CAMKMT: variants seen among roughly 807,000 people sequenced by gnomAD.
The protein encoded by CAMKMT is CaM KMT.
In CAMKMT, 53 loss-of-function variants were observed where a neutral mutation model predicts 48.0. The observed-to-expected ratio is 1.10, with a 90% CI of 0.89 to 1.39. The LOEUF (loss-of-function observed/expected upper bound fraction) is 1.39, where lower values mean the gene tolerates loss of function less well. CAMKMT is among the 40% of genes most tolerant of loss of function. CAMKMT has a pLI of 0.00. For synonymous variants in CAMKMT, 165 were observed against 152.3 expected, an observed-to-expected ratio of 1.08 and a Z score of -0.61; for missense variants, 428 against 402.7, an observed-to-expected ratio of 1.06 and a Z score of -0.54.
At chr2:44,754,347 T>A (rs1477437970) in intron 9 of CAMKMT, among the ~76,000 whole-genome samples, 1 of 152,206 alleles carries the variant, frequency 6.6e-6, no homozygotes, top group Non-Finnish European at 1.5e-5. Flanking sequence ...GTGAAATAAA[T>A]GCAGCCGCTT....
intron 3 of CAMKMT, among the ~76,000 whole-genome samples, chr2:44,516,073 T>C (rs1205393119): frequency 6.6e-6 from 1 of 152,214 alleles, no homozygotes; most frequent in East Asian, 1.9e-4. Flanking sequence ...ACAAAATTAT[T>C]TCATTGCTTA....
chr2:44,594,441 A>G (rs568339459), intron 3 of CAMKMT, among the ~76,000 whole-genome samples: 95 of 152,354 alleles, frequency 6.2e-4, no homozygotes, highest in African/African-American at 2.1e-3. Context: ...CCAAAACAGC[A>G]TGGTACTGGT....
intron 10 of CAMKMT, among the ~76,000 whole-genome samples, chr2:44,771,050 T>C (rs1681085715): frequency 6.6e-6 from 1 of 152,150 alleles, no homozygotes; most frequent in Non-Finnish European, 1.5e-5. Flanking sequence ...GGGAATATGA[T>C]TTAGAAGGAA....
At chr2:44,658,246 C>T (rs1674480772) in intron 3 of CAMKMT, among the ~76,000 whole-genome samples, 1 of 152,208 alleles carries the variant, frequency 6.6e-6, no homozygotes, top group Admixed American at 6.5e-5. Context: ...TATTAAGATA[C>T]ACATTATTTA....
In CAMKMT at chr2:44,686,891, T is replaced by C. The variant is rs1257626264; in HGVS notation, c.377-17392T>C. ...GGCACCTAGCACTAAAATAAAATAATCCCTTAGCATGTTTACTAGCCAAAA... is the reference window on the plus strand; with the variant it reads ...GGCACCTAGCACTAAAATAAAATAACCCCTTAGCATGTTTACTAGCCAAAA... On this transcript the variant is annotated intron_variant, in intron 3 of 10. Transcript: ENST00000378494. Among the ~76,000 whole-genome samples, 4 of 152,188 alleles carry C rather than the reference T, an allele frequency of 2.6e-5. No homozygotes were observed. In the East Asian group the frequency reaches 7.7e-4, roughly 29 times the overall value.
chr2:44,561,760 C>A (rs1431716847), intron 3 of CAMKMT, among the ~76,000 whole-genome samples: 1 of 152,166 alleles, frequency 6.6e-6, no homozygotes, highest in Non-Finnish European at 1.5e-5. Context: ...ACCTTAAGAT[C>A]TGGTCACATT....
chr2:44,741,638 A>G (rs575658130), intron 7 of CAMKMT, among the ~76,000 whole-genome samples: 2 of 152,362 alleles, frequency 1.3e-5, no homozygotes, highest in African/African-American at 4.8e-5. Flanking sequence ...ACATGCATGT[A>G]GCACAGCCAT....
At chr2:44,607,441 T>A (rs1054027235) in intron 3 of CAMKMT, among the ~76,000 whole-genome samples, 3 of 152,256 alleles carry the variant, frequency 2.0e-5, no homozygotes, top group Non-Finnish European at 4.4e-5. Flanking sequence ...GAACACTAAA[T>A]TGCTCTTGCA....
intron 3 of CAMKMT, among the ~76,000 whole-genome samples, chr2:44,477,920 G>A (rs746926575): frequency 2.3e-4 from 35 of 152,134 alleles, no homozygotes; most frequent in Non-Finnish European, 4.6e-4. Flanking sequence ...ACAAAGGGAC[G>A]GATGGTACTT....
At chr2:44,599,750 C>G (rs1324639910) in intron 3 of CAMKMT, among the ~76,000 whole-genome samples, 7 of 150,634 alleles carry the variant, frequency 4.6e-5, no homozygotes, top group Non-Finnish European at 8.8e-5. Context: ...CATGTTTAGT[C>G]TAATAACCAA....
At chr2:44,567,748 A>G (rs1044020506) in intron 3 of CAMKMT, among the ~76,000 whole-genome samples, 1 of 152,204 alleles carries the variant, frequency 6.6e-6, no homozygotes, top group East Asian at 1.9e-4. Flanking sequence ...CTGCTAGCAC[A>G]ACTTTTGGCA....
chr2:44,590,941 G>A (rs1437436048), intron 3 of CAMKMT, among the ~76,000 whole-genome samples: 2 of 151,938 alleles, frequency 1.3e-5, no homozygotes, highest in Middle Eastern at 3.4e-3. Context: ...TAAGGTGTAA[G>A]GAAGGGATCC....
At chr2:44,384,500 CTTTT>C (rs141017634) in intron 2 of CAMKMT, among the ~76,000 whole-genome samples, 35 of 95,862 alleles carry the variant, frequency 3.7e-4, no homozygotes, top group African/African-American at 1.1e-3. Context: ...AGCTATTTAT[CTTTT>C]TTTTTTTTTT....
chr2:44,665,009 T>G (rs13407045), intron 3 of CAMKMT, among the ~76,000 whole-genome samples: 97,811 of 152,056 alleles, frequency 0.64, 32,019 homozygotes, highest in Middle Eastern at 0.72. Context: ...GTTGGTCTAG[T>G]ATGGGACTTA....
chr2:44,464,691 A>G (rs1446429122), intron 3 of CAMKMT, among the ~76,000 whole-genome samples: 5 of 152,206 alleles, frequency 3.3e-5, no homozygotes, highest in Non-Finnish European at 7.3e-5. Context: ...AAGTGCTGAA[A>G]GAAAAAAAAC....
At chr2:44,676,202 C>T (rs1573051001) in intron 3 of CAMKMT, among the ~76,000 whole-genome samples, 2 of 152,164 alleles carry the variant, frequency 1.3e-5, no homozygotes, top group South Asian at 4.1e-4. Flanking sequence ...TTTCCTCTTT[C>T]CCTCTCTCGC....
At chr2:44,684,112 G>A (rs943834959) in intron 3 of CAMKMT, among the ~76,000 whole-genome samples, 7 of 152,170 alleles carry the variant, frequency 4.6e-5, no homozygotes, top group Non-Finnish European at 1.0e-4. Flanking sequence ...CCAAGGAGGA[G>A]AAATGATGGA....
intron 7 of CAMKMT, among the ~76,000 whole-genome samples, chr2:44,723,216 G>A (rs771518324): frequency 7.9e-5 from 12 of 152,150 alleles, no homozygotes; most frequent in Non-Finnish European, 1.8e-4. Flanking sequence ...CTGGTCTGGA[G>A]CCCTCACGTG....
intron 3 of CAMKMT, among the ~76,000 whole-genome samples, chr2:44,402,644 C>G (rs935162859): frequency 7.3e-5 from 11 of 150,666 alleles, no homozygotes; most frequent in African/African-American, 2.4e-4. Flanking sequence ...TGACTTTCTT[C>G]CATCTGTTTT....
Sources: gnomAD v4.1 joint callset for allele counts (sites outside exome capture counted in the v4.1 genomes callset) on GRCh38, gnomAD v4.1.1 for gene constraint, MANE v1.5 for transcripts, NCBI Gene and HGNC (gene_info 2026-07-23, HGNC 2026-07-21) for gene names.